The following SEPTIN3 variants were observed in gnomAD, a reference collection of about 807,000 sequenced individuals.
The protein encoded by SEPTIN3 is septin 3, also known as neuronal-specific septin-3.
A neutral mutation model predicts 45.1 loss-of-function variants in SEPTIN3; 15 were observed. The ratio of observed to expected loss-of-function variants is 0.33; its 90% CI spans 0.22 to 0.51. The LOEUF is 0.51. Ranked by LOEUF, SEPTIN3 falls within the 20% of genes least tolerant of loss-of-function variation. The pLI, the probability that SEPTIN3 is intolerant of heterozygous loss-of-function variation, is 0.97. For synonymous variants in SEPTIN3, 148 were observed against 164.8 expected (o/e 0.90, Z 0.78); for missense variants, 289 against 457.2 (o/e 0.63, Z 3.35).
intron 2 of SEPTIN3, among the ~76,000 whole-genome samples, chr22:41,979,098 G>A (rs1295389706): frequency 6.6e-6 from 1 of 152,158 alleles, no homozygotes; most frequent in African/African-American, 2.4e-5. Flanking sequence ...TGTGTACAGT[G>A]CACACAGTGG....
chr22:41,991,952 A>C (rs966766289), intron 8 of SEPTIN3, among the ~76,000 whole-genome samples: 1 of 152,194 alleles, frequency 6.6e-6, no homozygotes, highest in Non-Finnish European at 1.5e-5. Context: ...TGGGAGGGGC[A>C]GCAGGCAGGA....
At chr22:41,993,720 C>T (rs1442409492) in intron 9 of SEPTIN3, among the ~76,000 whole-genome samples, 1 of 152,146 alleles carries the variant, frequency 6.6e-6, no homozygotes, top group Admixed American at 6.6e-5. Context: ...TCTCAAACTC[C>T]TGGGCTCCAG....
chr22:41,992,064 T>C (rs1345933484), intron 8 of SEPTIN3, among the ~76,000 whole-genome samples: 1 of 151,990 alleles, frequency 6.6e-6, no homozygotes, highest in Non-Finnish European at 1.5e-5. Context: ...GCTTATAGGC[T>C]TCCCCCGCTA....
At position 41,971,925 on chromosome 22, in the gene SEPTIN3, G is replaced by A. The variant is rs2077964090; in HGVS notation, c.433G>A (p.Gly145Arg). 2.5e-6 allele frequency: 1 copy of A among 399,076 alleles called. No individual in the cohort carries two copies. The highest frequency in any genetic ancestry group is 2.1e-5 in the African/African-American group (1 of 48,632). 24.7% of individuals were successfully genotyped at this position (399,076 alleles called of 1,614,324 possible). A position where few individuals can be genotyped will look rare whatever the true frequency, so the allele number is the denominator to read the frequency against. Residue 145 changes from glycine (G) to arginine (R), a missense_variant, in exon 2 of 12, where the codon GGG becomes AGG. Transcript: ENST00000644076. ...AAAGAAGGCTGCTCCCCATGAAGGAGGGAGGGTGTCCTCGCCAGGCTCGCC... is the reference window on the plus strand; with the variant it reads ...AAAGAAGGCTGCTCCCCATGAAGGAAGGAGGGTGTCCTCGCCAGGCTCGCC... The part of the protein sequence containing the change: ...PGKKAAPHEG[G>R]RVSSPGSPPV...
At position 41,991,586 on chromosome 22, in the gene SEPTIN3, T is replaced by C; in HGVS notation, c.2177T>C (p.Leu726Pro). 2 of 1,613,562 alleles carry C rather than the reference T, an allele frequency of 1.2e-6. No homozygotes were observed. Among genetic ancestry groups the C allele is most frequent in the Non-Finnish European group, 1.7e-6 (2 of 1,179,496 alleles). The part of the protein sequence containing the change: ...SEFKQRVRKE[L>P]EVNGIEFYPQ... ...CCTCGCCTCTAGGTTCGCAAGGAGC[T>C]TGAAGTAAATGGCATTGAATTCTAC... Residue 726 changes from leucine (L) to proline (P), a missense_variant, in exon 8 of 12, where the codon CTT becomes CCT. Leu to Pro is a moderately conservative substitution (Grantham distance 98). Around this residue, in one of 3 missense-constraint regions of SEPTIN3, gnomAD observed 200 missense variants for 315.1 expected, o/e 0.63. Transcript: ENST00000644076.
At chr22:41,984,792 G>C (rs1441467690) in intron 3 of SEPTIN3, among the ~76,000 whole-genome samples, 1 of 150,184 alleles carries the variant, frequency 6.7e-6, no homozygotes, top group Non-Finnish European at 1.5e-5. Context: ...GCCTTCCAAA[G>C]TGCTGGGATT....
Position 41,995,002 on chromosome 22 carries a change from G to T in SEPTIN3, c.2505+288G>T, listed in dbSNP as rs570050122. The T allele has an allele frequency of 6.9e-6, 9 of 1,303,128 alleles. No homozygotes were observed. The South Asian group carries it at 1.5e-4, about 22-fold the overall frequency. 80.7% of individuals were successfully genotyped at this position (1,303,128 alleles called of 1,614,324 possible). A position where few individuals can be genotyped will look rare whatever the true frequency, so the allele number is the denominator to read the frequency against. ...CACTGCCCTCCCTGGAGAGTCCCTT[G>T]TAAGTTTGGCTCCTCCATGCCTGTC... On this transcript the variant is annotated intron_variant, in intron 11 of 11. Coordinates refer to ENST00000644076, the MANE Select transcript of SEPTIN3 (RefSeq NM_001363845.2).
chr22:41,978,038 T>C (rs1036816444), intron 2 of SEPTIN3, among the ~76,000 whole-genome samples: 1 of 152,132 alleles, frequency 6.6e-6, no homozygotes, highest in Non-Finnish European at 1.5e-5. Flanking sequence ...GATGGCAGAC[T>C]TGAGCTGCAC....
Position 41,976,940 on chromosome 22 carries a change from G to T in SEPTIN3, c.1504+3944G>T, listed in dbSNP as rs2078034963. The T allele has an allele frequency of 1.3e-5, 10 of 750,250 alleles. No homozygotes were observed. The highest frequency in any genetic ancestry group is 1.8e-5 in the Non-Finnish European group (10 of 545,744). 46.5% of individuals were successfully genotyped at this position (750,250 alleles called of 1,614,324 possible). ...GGGCCGCGGGCCGGGCGGGTGGGAG[G>T]AGAGCGCGAAGGGGCGAGGCCCGTT... On this transcript the variant is annotated intron_variant, in intron 2 of 11. Transcript: ENST00000644076. The surrounding 1 kb of genome is among the most constrained non-coding windows in gnomAD (Gnocchi z 5.8).
intron 2 of SEPTIN3, among the ~76,000 whole-genome samples, chr22:41,978,006 G>A (rs1169930793): frequency 6.6e-6 from 1 of 152,114 alleles, no homozygotes; most frequent in Non-Finnish European, 1.5e-5. Context: ...GCTGAGGGGG[G>A]CCCCAAGGAC....
intron 3 of SEPTIN3, among the ~76,000 whole-genome samples, chr22:41,983,046 T>C (rs762027238): frequency 1.1e-4 from 16 of 152,184 alleles, no homozygotes; most frequent in Non-Finnish European, 2.2e-4. Flanking sequence ...CCATTTTACC[T>C]CATACGTATC....
chr22:41,977,290 G>A (rs1226579817), intron 2 of SEPTIN3, among the ~76,000 whole-genome samples: 2 of 151,998 alleles, frequency 1.3e-5, no homozygotes, highest in East Asian at 3.9e-4. Context: ...GGGACCCACG[G>A]ACACGCAAGC....
chr22:41,993,941 A>T (rs1052770439), intron 9 of SEPTIN3, among the ~76,000 whole-genome samples: 2 of 152,158 alleles, frequency 1.3e-5, no homozygotes, highest in African/African-American at 4.8e-5. Flanking sequence ...GTTACTTCCA[A>T]CCGGATTATA....
At chr22:41,996,171 C>G (rs1276650069) in intron 11 of SEPTIN3, 2 of 985,184 alleles carry the variant, frequency 2.0e-6, no homozygotes, top group Non-Finnish European at 2.4e-6. Flanking sequence ...CCCAATGATA[C>G]CCACCGTCAT....
rs576854489 is a variant in SEPTIN3, at chr22:41,989,549, G to T, written c.2046-18G>T. The stretch of plus-strand genomic sequence containing the variant: ...AGGGCAAGGTGGCTCTGATGATTCT[G>T]CCTTTTCTGTGCCCCAGCTTGCGAC... On this transcript the variant is annotated intron_variant, in intron 6 of 11. Transcript: ENST00000644076. 25 of 1,574,006 alleles carry T rather than the reference G, an allele frequency of 1.6e-5. No individual in the cohort carries two copies. In the South Asian group the frequency reaches 2.6e-4, roughly 16 times the overall value.
chr22:41,986,736 C>T (rs1602417455), intron 4 of SEPTIN3, among the ~76,000 whole-genome samples: 2 of 152,080 alleles, frequency 1.3e-5, no homozygotes, highest in African/African-American at 4.8e-5. Flanking sequence ...CTCCTGAGCT[C>T]GTGATCCGCC....
rs1779002196 is a variant in SEPTIN3, at chr22:41,986,101, C to T, written c.1814C>T (p.Ala605Val). Reference protein sequence around the residue: ...EKIPKTVEIKAIGHVIEEGGV... With the variant: ...EKIPKTVEIKVIGHVIEEGGV... ...ATCCCCAAGACAGTGGAGATCAAAG[C>T]TATCGGGCATGGTGAGGACCAGGCA... The change falls in exon 4 of 12, where the codon GCT (alanine) becomes GTT (valine). Residue 605 changes from alanine to valine, a missense_variant. This residue lies in a region of SEPTIN3 where 200 missense variants were observed against 315.1 expected (regional missense o/e 0.63). Transcript: ENST00000644076. 6.2e-7 allele frequency: 1 copy of T among 1,613,164 alleles called. No individual in the cohort carries two copies.
intron 4 of SEPTIN3, among the ~76,000 whole-genome samples, chr22:41,986,838 T>C (rs958281407): frequency 6.6e-6 from 1 of 151,940 alleles, no homozygotes; most frequent in African/African-American, 2.4e-5. Flanking sequence ...TAGCTGGGTA[T>C]GATGGTGCAT....
At chr22:41,978,213 G>A (rs1030528146) in intron 2 of SEPTIN3, among the ~76,000 whole-genome samples, 3 of 152,160 alleles carry the variant, frequency 2.0e-5, no homozygotes, top group African/African-American at 4.8e-5. Flanking sequence ...AGCATCTGAG[G>A]GAAGAGAAAG....
Sources: allele counts gnomAD v4.1 joint callset (sites outside exome capture counted in the v4.1 genomes callset), GRCh38; gene constraint gnomAD v4.1.1; regional missense constraint gnomAD v4.1.1; non-coding constraint Gnocchi (gnomAD v3.1); transcripts MANE v1.5; gene names NCBI Gene and HGNC (gene_info 2026-07-23, HGNC 2026-07-21).